NFKB1: variants seen among roughly 807,000 people sequenced by gnomAD.
NFKB1 encodes the protein nuclear factor NF-kappa-B p105 subunit.
A neutral mutation model predicts 105.1 loss-of-function variants in NFKB1; 9 were observed. That is an observed-to-expected ratio of 0.09 (90% CI 0.05 to 0.15). The LOEUF is 0.15. Ranked by LOEUF, NFKB1 falls within the 10% of genes least tolerant of loss-of-function variation. The pLI, the probability that NFKB1 is intolerant of heterozygous loss-of-function variation, is 1.00. For synonymous variants in NFKB1, 440 were observed against 442.2 expected (o/e 1.00, Z 0.06); for missense variants, 830 against 1,203.7 (o/e 0.69, Z 4.59).
chr4:102,567,573 A>T (rs1471991196), intron 6 of NFKB1, among the ~76,000 whole-genome samples: 1 of 152,188 alleles, frequency 6.6e-6, no homozygotes, highest in Non-Finnish European at 1.5e-5. Context: ...TGGTGTGAAT[A>T]TGTAGGGCTT....
chr4:102,594,899 C>G lies in NFKB1; in HGVS notation c.1218C>G (p.Ser406Arg). Residue 406 changes from serine (S) to arginine (R), a missense_variant, in exon 13 of 24, where the codon AGC becomes AGG. Ser to Arg is a moderately radical substitution (Grantham distance 110). Around this residue, in one of 8 missense-constraint regions of NFKB1, gnomAD observed 163 missense variants for 164.3 expected, o/e 0.99. Transcript: ENST00000226574. ...GGTGSTGPGYSFPHYGFPTYG... is the reference protein window; with the variant it reads ...GGTGSTGPGYRFPHYGFPTYG... The stretch of plus-strand genomic sequence containing the variant: ...TTTTACTTGCCGTTTCAGGGTATAG[C>G]TTCCCACACTATGGATTTCCTACTT... 1 of 1,609,104 alleles carries G rather than the reference C, an allele frequency of 6.2e-7. No homozygotes were observed. The highest frequency in any genetic ancestry group is 1.1e-5 in the South Asian group (1 of 90,660).
intron 5 of NFKB1, among the ~76,000 whole-genome samples, chr4:102,538,480 A>G (rs1349727940): frequency 6.6e-6 from 1 of 152,202 alleles, no homozygotes; most frequent in Non-Finnish European, 1.5e-5. Context: ...AAGGTCCTTT[A>G]GAGATTAAAT....
chr4:102,607,632 T>C lies in NFKB1; in HGVS notation c.2125-17T>C. ...AGAACCTTCCACTAACGCTTTCTTGTGTGGGCTGGATTGTAGGGTGATGCC... is the reference window on the plus strand; with the variant it reads ...AGAACCTTCCACTAACGCTTTCTTGCGTGGGCTGGATTGTAGGGTGATGCC... On this transcript the variant is annotated splice_polypyrimidine_tract_variant and intron_variant, in intron 18 of 23. Transcript: ENST00000226574. The C allele has an allele frequency of 1.2e-6, 2 of 1,612,314 alleles. No homozygotes were observed. Among genetic ancestry groups the C allele is most frequent in the Non-Finnish European group, 1.7e-6 (2 of 1,178,480 alleles).
chr4:102,602,323 G>A (rs1727227953), intron 16 of NFKB1, among the ~76,000 whole-genome samples: 1 of 150,900 alleles, frequency 6.6e-6, no homozygotes, highest in Admixed American at 6.6e-5. Context: ...GAGATCAGGA[G>A]ATCGAGATCA....
intron 1 of NFKB1, among the ~76,000 whole-genome samples, chr4:102,513,980 T>C (rs1022713123): frequency 1.3e-5 from 2 of 151,950 alleles, no homozygotes; most frequent in African/African-American, 4.8e-5. Flanking sequence ...GAGACCATCC[T>C]GGCTCACACG....
chr4:102,520,451 G>C (rs1227823398), intron 1 of NFKB1, among the ~76,000 whole-genome samples: 2 of 152,138 alleles, frequency 1.3e-5, no homozygotes, highest in Non-Finnish European at 2.9e-5. Flanking sequence ...ATACCTGTTG[G>C]ATTGACATTC....
At chr4:102,606,310 T>C (rs1314374447) in intron 16 of NFKB1, among the ~76,000 whole-genome samples, 186 bp from the exon 17 acceptor site, 2 of 152,238 alleles carry the variant, frequency 1.3e-5, no homozygotes, top group Admixed American at 1.3e-4. Context: ...GTTAGTACAG[T>C]ATATGTACTT....
Position 102,584,788 on chromosome 4 carries a change from CA to C in NFKB1, c.1038del (p.Lys346AsnfsTer86). On this transcript the variant is annotated frameshift_variant, in exon 11 of 24. Coordinates refer to ENST00000226574, the MANE Select transcript of NFKB1 (RefSeq NM_003998.4). LOFTEE classifies it high-confidence loss of function. ...AAATCTGACTTGGAAACTAGTGAAC[CA>C]AAACCTTTCCTCTACTATCCTGAAA... ...RRKSDLETSE[P>X]KPFLYYPEIK... The C allele has an allele frequency of 6.2e-7, 1 of 1,612,384 alleles. No homozygotes were observed. Among genetic ancestry groups the C allele is most frequent in the Non-Finnish European group, 8.5e-7 (1 of 1,179,110 alleles).
At chr4:102,585,079 G>A (rs538759123) in intron 11 of NFKB1, among the ~76,000 whole-genome samples, 1 of 151,368 alleles carries the variant, frequency 6.6e-6, no homozygotes, top group South Asian at 2.1e-4. Flanking sequence ...TAATAGAAAT[G>A]AGGACTTCCT....
intron 5 of NFKB1, among the ~76,000 whole-genome samples, chr4:102,539,637 C>T (rs1404524939): frequency 6.6e-6 from 1 of 152,140 alleles, no homozygotes; most frequent in African/African-American, 2.4e-5. Context: ...TTATTAAACA[C>T]CAAAGACTTG....
intron 11 of NFKB1, among the ~76,000 whole-genome samples, chr4:102,585,513 C>T (rs776952007): frequency 3.3e-5 from 5 of 152,188 alleles, no homozygotes; most frequent in Non-Finnish European, 7.4e-5. Flanking sequence ...CAACCAGCCT[C>T]AGGCGGTGGA....
chr4:102,578,660 T>G (rs1177695539), intron 7 of NFKB1: 4 of 518,562 alleles, frequency 7.7e-6, no homozygotes, highest in African/African-American at 5.7e-5. Context: ...GAAGAGAGTT[T>G]TTACTGTAAT....
At chr4:102,504,063 T>A (rs1399811198) in intron 1 of NFKB1, among the ~76,000 whole-genome samples, 1 of 152,206 alleles carries the variant, frequency 6.6e-6, no homozygotes, top group African/African-American at 2.4e-5. Flanking sequence ...AGGTGAAAGT[T>A]CTGGCTTCTG....
chr4:102,507,000 GAT>G (rs1056625911), intron 1 of NFKB1, among the ~76,000 whole-genome samples: 7 of 147,378 alleles, frequency 4.7e-5, no homozygotes, highest in Non-Finnish European at 7.4e-5. Flanking sequence ...TAAATATAAT[GAT>G]ATATGTATAA....
At chr4:102,598,772 TAAG>T (rs1041633351) in intron 15 of NFKB1, among the ~76,000 whole-genome samples, 8 of 152,206 alleles carry the variant, frequency 5.3e-5, no homozygotes, top group African/African-American at 1.9e-4. Context: ...TTGATAAGTC[TAAG>T]AAGATGAGCA....
rs750210825 is a variant in NFKB1, at chr4:102,606,532, G to A, written c.1789G>A (p.Asp597Asn). 6.2e-7 allele frequency: 1 copy of A among 1,614,198 alleles called. No homozygotes were observed. ...CTTGGCAGTGATCACTAAGCAGGAAGATGTGGTGGAGGATTTGCTGAGGGC... is the reference window on the plus strand; with the variant it reads ...CTTGGCAGTGATCACTAAGCAGGAAAATGTGGTGGAGGATTTGCTGAGGGC... ...LHLAVITKQE[D>N]VVEDLLRAGA... Residue 597 changes from aspartate to asparagine, a missense_variant, in exon 17 of 24, where the codon GAT becomes AAT. Coordinates refer to ENST00000226574, the MANE Select transcript of NFKB1 (RefSeq NM_003998.4).
intron 12 of NFKB1, among the ~76,000 whole-genome samples, chr4:102,594,139 A>G (rs1726408890): frequency 6.6e-6 from 1 of 152,212 alleles, no homozygotes; most frequent in African/African-American, 2.4e-5. Flanking sequence ...CTGTGTGTAT[A>G]GAGTCATAGG....
chr4:102,597,691 T>C lies in NFKB1; in HGVS notation c.1637+30T>C, dbSNP rs780802158. ...GTCAGAACTTTTGCATGATAGGTTG[T>C]CCTGGGTGGGGAAGAAGAAGAGCAT... On this transcript the variant is annotated intron_variant, in intron 15 of 23. Coordinates refer to ENST00000226574, the MANE Select transcript of NFKB1 (RefSeq NM_003998.4). The C allele has an allele frequency of 3.8e-6, 6 of 1,596,416 alleles. No individual in the cohort carries two copies. The Admixed American group carries it at 8.5e-5, about 23-fold the overall frequency.
chr4:102,560,715 G>T (rs1701391885), intron 5 of NFKB1, among the ~76,000 whole-genome samples: 2 of 152,096 alleles, frequency 1.3e-5, no homozygotes, highest in South Asian at 4.1e-4. Context: ...TATGACTTTG[G>T]GTTATGTCAC....
Sources: gnomAD v4.1 joint callset for allele counts (sites outside exome capture counted in the v4.1 genomes callset) on GRCh38, gnomAD v4.1.1 for gene constraint, gnomAD v4.1.1 regional missense constraint, MANE v1.5 for transcripts, NCBI Gene and HGNC (gene_info 2026-07-23, HGNC 2026-07-21) for gene names.